The following DPP6 variants were observed in gnomAD, a reference collection of about 807,000 sequenced individuals.
DPP6 encodes the protein dipeptidyl peptidase like 6.
Under a neutral mutation model 122.6 loss-of-function variants are expected in DPP6, and 69 were observed. That is an observed-to-expected ratio of 0.56 (90% CI 0.46 to 0.69). The LOEUF (loss-of-function observed/expected upper bound fraction) is 0.69. Among genes scored for constraint, DPP6 ranks in the 30% least tolerant of loss-of-function variants. The pLI is 0.00. For synonymous variants in DPP6, 418 were observed against 433.1 expected (o/e 0.97, Z 0.43); for missense variants, 928 against 1,116.9 (o/e 0.83, Z 2.41).
At chr7:154,384,096 C>A (rs923592001) in intron 1 of DPP6, among the ~76,000 whole-genome samples, 4 of 151,950 alleles carry the variant, frequency 2.6e-5, no homozygotes, top group Admixed American at 1.3e-4. Context: ...CCGGGTGCTC[C>A]CTGGCAGGTG....
chr7:154,141,590 T>G (rs1043969319), intron 1 of DPP6, among the ~76,000 whole-genome samples: 1 of 152,228 alleles, frequency 6.6e-6, no homozygotes, highest in African/African-American at 2.4e-5. Flanking sequence ...TTGGTCCCAG[T>G]AGGTACTTTG....
intron 1 of DPP6, among the ~76,000 whole-genome samples, chr7:154,380,339 AGT>A (rs369180877): frequency 0.022 from 3,411 of 151,986 alleles, 133 homozygotes; most frequent in African/African-American, 0.078. Flanking sequence ...TAGCAAAAAG[AGT>A]GTGTGTGTAC....
chr7:154,353,471 C>T (rs1024860173), intron 1 of DPP6, among the ~76,000 whole-genome samples: 13 of 151,930 alleles, frequency 8.6e-5, no homozygotes, highest in African/African-American at 3.1e-4. Context: ...GGAACCAGCC[C>T]GTTATTCTAA....
chr7:154,234,523 G>T (rs544436894), intron 1 of DPP6, among the ~76,000 whole-genome samples: 2 of 152,030 alleles, frequency 1.3e-5, no homozygotes, highest in Non-Finnish European at 2.9e-5. Context: ...CTTATTTCTG[G>T]GTTTGGATCC....
At chr7:154,742,078 G>A (rs1842844250) in intron 8 of DPP6, among the ~76,000 whole-genome samples, 2 of 152,172 alleles carry the variant, frequency 1.3e-5, no homozygotes, top group South Asian at 2.1e-4. Flanking sequence ...CACCCAACGG[G>A]GTACCTGAAA....
At chr7:154,299,417 C>T (rs1585864683) in intron 1 of DPP6, among the ~76,000 whole-genome samples, 1 of 152,190 alleles carries the variant, frequency 6.6e-6, no homozygotes, top group South Asian at 2.1e-4. Flanking sequence ...ACGCAGTGGT[C>T]GACTGTCGGA....
intron 1 of DPP6, among the ~76,000 whole-genome samples, chr7:154,417,197 C>T (rs938039145): frequency 6.6e-6 from 1 of 152,208 alleles, no homozygotes; most frequent in Non-Finnish European, 1.5e-5. Flanking sequence ...CCACCAATTA[C>T]TTTCAAGACT....
chr7:154,884,425 C>CCTATA (rs1482582776), intron 21 of DPP6: 2 of 139,846 alleles, frequency 1.4e-5, no homozygotes, highest in Non-Finnish European at 1.5e-5. Flanking sequence ...ACACATGCTC[C>CCTATA]CACATGCTCA....
chr7:154,164,609 A>G (rs1243593329), intron 1 of DPP6, among the ~76,000 whole-genome samples: 2 of 152,084 alleles, frequency 1.3e-5, no homozygotes. Flanking sequence ...TCCAATATCC[A>G]TTAGCAGTCA....
intron 1 of DPP6, among the ~76,000 whole-genome samples, chr7:154,102,846 T>C (rs1199011160): frequency 6.6e-6 from 1 of 152,236 alleles, no homozygotes; most frequent in Non-Finnish European, 1.5e-5. Context: ...ACTATAGTTC[T>C]CTAAAATCAG....
chr7:154,465,923 G>A (rs553238835), intron 2 of DPP6, among the ~76,000 whole-genome samples: 17 of 152,200 alleles, frequency 1.1e-4, no homozygotes, highest in African/African-American at 2.9e-4. Flanking sequence ...TTTATTGCAG[G>A]ACTATTCACA....
At chr7:153,833,807 G>T in the DPP6 span, among the ~76,000 whole-genome samples, 1 of 152,124 alleles carries the variant, frequency 6.6e-6, no homozygotes, top group Admixed American at 6.5e-5. Flanking sequence ...TCTATCATAG[G>T]ACTGAAAAAC....
chr7:154,584,158 C>A (rs1832274557), intron 5 of DPP6, among the ~76,000 whole-genome samples: 1 of 152,238 alleles, frequency 6.6e-6, no homozygotes, highest in Non-Finnish European at 1.5e-5. Context: ...TTTCTCAGTG[C>A]CAATCAGGTA....
At chr7:154,730,370 C>T (rs1045201848) in intron 8 of DPP6, among the ~76,000 whole-genome samples, 3 of 152,130 alleles carry the variant, frequency 2.0e-5, no homozygotes, top group Non-Finnish European at 4.4e-5. Context: ...TCCACTCCAT[C>T]GACCTCAACA....
chr7:154,262,045 A>C (rs1002417581), intron 1 of DPP6, among the ~76,000 whole-genome samples: 1 of 151,548 alleles, frequency 6.6e-6, no homozygotes, highest in African/African-American at 2.4e-5. Context: ...GGGAGGAAGG[A>C]GAAAGAAGAG....
chr7:154,272,820 C>A (rs961525422), intron 1 of DPP6, among the ~76,000 whole-genome samples: 1 of 152,144 alleles, frequency 6.6e-6, no homozygotes, highest in African/African-American at 2.4e-5. Context: ...CTGTGTCAAA[C>A]CTCCTTGCAT....
At chr7:154,665,958 C>T (rs1198218432) in intron 6 of DPP6, among the ~76,000 whole-genome samples, 1 of 151,908 alleles carries the variant, frequency 6.6e-6, no homozygotes, top group African/African-American at 2.4e-5. Context: ...CTCCAAACCC[C>T]TGGGAGAAAC....
intron 1 of DPP6, among the ~76,000 whole-genome samples, chr7:153,963,081 T>C (rs1356731986): frequency 1.3e-5 from 2 of 152,192 alleles, no homozygotes; most frequent in Non-Finnish European, 2.9e-5. Context: ...ACCCCTGAGC[T>C]AAGACAACCT....
chr7:154,581,940 G>A (rs1184530883), intron 5 of DPP6, among the ~76,000 whole-genome samples: 4 of 152,160 alleles, frequency 2.6e-5, no homozygotes, highest in African/African-American at 7.2e-5. Flanking sequence ...ATCCCCACAT[G>A]TCACCCAGAG....
Sources: allele counts gnomAD v4.1 joint callset (sites outside exome capture counted in the v4.1 genomes callset), GRCh38; gene constraint gnomAD v4.1.1; transcripts MANE v1.5; gene names NCBI Gene and HGNC (gene_info 2026-07-23, HGNC 2026-07-21).